ALK: variants seen among roughly 807,000 people sequenced by gnomAD.
ALK encodes ALK tyrosine kinase receptor.
ALK carries 74 observed loss-of-function variants against 163.1 expected under a neutral mutation model. The ratio of observed to expected loss-of-function variants is 0.45; its 90% CI spans 0.38 to 0.55. The LOEUF (loss-of-function observed/expected upper bound fraction) is 0.55. Ranked by LOEUF, ALK falls within the 20% of genes least tolerant of loss-of-function variation. The pLI is 0.00. For missense variants in ALK, 2,063 were observed against 2,105.3 expected (o/e 0.98, Z 0.39); for synonymous variants, 960 against 843.2 (o/e 1.14, Z -2.40).
intron 3 of ALK, among the ~76,000 whole-genome samples, chr2:29,543,784 AT>A (rs1673477705): frequency 6.6e-6 from 1 of 152,048 alleles, no homozygotes. Context: ...TGTCTCCTCT[AT>A]GTGCTCTAGA....
intron 7 of ALK, among the ~76,000 whole-genome samples, chr2:29,320,491 C>T (rs1271718024): frequency 6.6e-6 from 1 of 152,166 alleles, no homozygotes; most frequent in African/African-American, 2.4e-5. Context: ...GGATTATTAT[C>T]GTTGTTGCTA....
chr2:29,523,867 T>A (rs934405897), intron 4 of ALK, among the ~76,000 whole-genome samples: 1 of 53,492 alleles, frequency 1.9e-5, no homozygotes. Flanking sequence ...GGTTTTTTTT[T>A]TTTTTTTTTT....
chr2:29,481,938 T>G (rs1014383925), intron 4 of ALK, among the ~76,000 whole-genome samples: 1 of 152,232 alleles, frequency 6.6e-6, no homozygotes, highest in African/African-American at 2.4e-5. Context: ...AGAAGGTGAT[T>G]AATTGGCTGA....
chr2:29,349,580 G>A (rs1668053525), intron 5 of ALK, among the ~76,000 whole-genome samples: 1 of 152,166 alleles, frequency 6.6e-6, no homozygotes, highest in Non-Finnish European at 1.5e-5. Context: ...TCTGTACCTG[G>A]GCTGTTTTAA....
At chr2:29,433,341 A>G (rs1670324063) in intron 4 of ALK, among the ~76,000 whole-genome samples, 1 of 152,196 alleles carries the variant, frequency 6.6e-6, no homozygotes. Flanking sequence ...ACAAGCTCCC[A>G]GACAAGACGG....
At chr2:29,511,040 G>C (rs920303647) in intron 4 of ALK, among the ~76,000 whole-genome samples, 1 of 152,066 alleles carries the variant, frequency 6.6e-6, no homozygotes, top group Non-Finnish European at 1.5e-5. Flanking sequence ...GTACATACAT[G>C]TATCACTTCC....
intron 3 of ALK, among the ~76,000 whole-genome samples, chr2:29,566,086 C>T (rs539666576): frequency 1.3e-5 from 2 of 152,224 alleles, no homozygotes; most frequent in East Asian, 3.9e-4. Context: ...GGACAAAAGC[C>T]GGGACAGGAT....
At chr2:29,229,689 A>C (rs1324528535) in intron 15 of ALK, among the ~76,000 whole-genome samples, 1 of 152,160 alleles carries the variant, frequency 6.6e-6, no homozygotes, top group East Asian at 1.9e-4. Flanking sequence ...TTCCGCTCAA[A>C]GGAGACAGTG....
intron 1 of ALK, among the ~76,000 whole-genome samples, chr2:29,784,707 C>CAAA (rs1663955448): frequency 1.6e-5 from 1 of 62,540 alleles, no homozygotes; most frequent in Non-Finnish European, 3.2e-5. Context: ...ACAACAACAA[C>CAAA]AACAAAAACA....
chr2:29,360,115 C>G (rs535119253), intron 5 of ALK, among the ~76,000 whole-genome samples: 5 of 152,202 alleles, frequency 3.3e-5, no homozygotes, highest in Non-Finnish European at 7.3e-5. Flanking sequence ...GAGGTGTGCA[C>G]TAAAATAAAT....
chr2:29,336,036 C>T (rs977708424), intron 5 of ALK, among the ~76,000 whole-genome samples: 1 of 152,036 alleles, frequency 6.6e-6, no homozygotes, highest in Non-Finnish European at 1.5e-5. Flanking sequence ...GAGACTGTCT[C>T]AAAAAACAAA....
At chr2:29,315,039 T>C (rs1258337061) in intron 8 of ALK, among the ~76,000 whole-genome samples, 2 of 152,056 alleles carry the variant, frequency 1.3e-5, no homozygotes, top group African/African-American at 4.8e-5. Context: ...AAAATAAAAA[T>C]AAAAATAACA....
Position 29,452,343 on chromosome 2 carries a change from T to TG in ALK, c.1155-68485_1155-68484insC, listed in dbSNP as rs1274849527. Among the ~76,000 whole-genome samples the TG allele has an allele frequency of 8.7e-4, 130 of 149,662 alleles. 1 individual carries two copies. The highest frequency in any genetic ancestry group is 1.5e-3 in the Non-Finnish European group (102 of 67,454). On this transcript the variant is annotated intron_variant, in intron 4 of 28. Coordinates refer to ENST00000389048, the MANE Select transcript of ALK (RefSeq NM_004304.5). The stretch of plus-strand genomic sequence containing the variant: ...CTCAAGTTTTTTTTGTTTTTTTTTT[T>TG]TTTTTTTTCTTCATTCAGGACTCAG...
intron 4 of ALK, among the ~76,000 whole-genome samples, chr2:29,503,553 C>T (rs1672241655): frequency 6.6e-6 from 1 of 152,198 alleles, no homozygotes; most frequent in South Asian, 2.1e-4. Context: ...TACCATGGCA[C>T]ATAGAGATCT....
chr2:29,748,941 T>G (rs1031681993), intron 1 of ALK, among the ~76,000 whole-genome samples: 4 of 152,184 alleles, frequency 2.6e-5, no homozygotes, highest in Non-Finnish European at 4.4e-5. Context: ...AGATGGGGTT[T>G]TGCCATGTTG....
At chr2:29,581,572 C>A (rs1455643694) in intron 3 of ALK, among the ~76,000 whole-genome samples, 1 of 152,068 alleles carries the variant, frequency 6.6e-6, no homozygotes, top group Non-Finnish European at 1.5e-5. Flanking sequence ...GCTGTCAGTG[C>A]ACTGGAGGGA....
intron 9 of ALK, among the ~76,000 whole-genome samples, chr2:29,283,873 A>G (rs1414012019): frequency 6.6e-6 from 1 of 152,132 alleles, no homozygotes; most frequent in Non-Finnish European, 1.5e-5. Flanking sequence ...TTGAGCAGAG[A>G]TTATCTGCGC....
At chr2:29,734,118 A>G (rs1679822849) in intron 1 of ALK, among the ~76,000 whole-genome samples, 1 of 152,188 alleles carries the variant, frequency 6.6e-6, no homozygotes, top group Non-Finnish European at 1.5e-5. Context: ...AGCAGCGGGA[A>G]AGGGCAGAGA....
At chr2:29,596,192 T>C (rs1244326562) in intron 3 of ALK, among the ~76,000 whole-genome samples, 4 of 152,168 alleles carry the variant, frequency 2.6e-5, no homozygotes. Context: ...TACCATATCC[T>C]TTGGCCAGAT....
Sources: allele counts gnomAD v4.1 joint callset (sites outside exome capture counted in the v4.1 genomes callset), GRCh38; gene constraint gnomAD v4.1.1; transcripts MANE v1.5; gene names NCBI Gene and HGNC (gene_info 2026-07-23, HGNC 2026-07-21).